Variants in RPS6KA5 observed in about 807,000 individuals in gnomAD.
The protein encoded by RPS6KA5 is ribosomal protein S6 kinase A5, also known as ribosomal protein S6 kinase alpha-5.
In RPS6KA5, 27 loss-of-function variants were observed where a neutral mutation model predicts 85.5. That is an observed-to-expected ratio of 0.32 (90% CI 0.23 to 0.44). The LOEUF (loss-of-function observed/expected upper bound fraction) is 0.44. Among genes scored for constraint, RPS6KA5 ranks in the 20% least tolerant of loss-of-function variants. The probability of loss-of-function intolerance (pLI) is 1.00; values close to 1 mark genes in which losing one functional copy is unlikely to be tolerated. For missense variants in RPS6KA5, 811 were observed against 980.9 expected, an observed-to-expected ratio of 0.83 and a Z score of 2.31; for synonymous variants, 334 against 348.2, an observed-to-expected ratio of 0.96 and a Z score of 0.46.
At chr14:90,983,476 T>C (rs1159032822) in intron 2 of RPS6KA5, among the ~76,000 whole-genome samples, 1 of 151,738 alleles carries the variant, frequency 6.6e-6, no homozygotes, top group East Asian at 2.0e-4. Context: ...GGGGCATGCC[T>C]GTGGTCCCAG....
At position 90,945,020 on chromosome 14, in the gene RPS6KA5, G is replaced by T. The variant is rs574505463; in HGVS notation, c.511-1835C>A. On this transcript the variant is annotated intron_variant, in intron 4 of 16. Coordinates refer to ENST00000614987, the MANE Select transcript of RPS6KA5 (RefSeq NM_004755.4). ...TAATTCCAGCAGTTTGGGAAGCCAA[G>T]ATGGGAGGATCATCTGAGCTCAGGA... Among the ~76,000 whole-genome samples the T allele has an allele frequency of 3.4e-4, 52 of 152,036 alleles. 1 individual carries two copies. In the South Asian group the frequency reaches 4.4e-3, roughly 13 times the overall value.
Position 90,947,426 on chromosome 14 carries a change from G to A in RPS6KA5, c.510+9C>T, listed in dbSNP as rs772737682. 1.2e-5 allele frequency: 17 copies of A among 1,476,936 alleles called. No homozygotes were observed. The highest frequency in any genetic ancestry group is 1.7e-4 in the Middle Eastern group (1 of 5,780). The allele number at this position is 1,476,936 out of a possible 1,614,324, so 91.5% of individuals were successfully genotyped here. A position where few individuals can be genotyped will look rare whatever the true frequency, so the allele number is the denominator to read the frequency against. ...TCAGAAAAGAAACCTGAAAAATGAA[G>A]AGTCTTACCTTGTGGAGATGTTCGA... On this transcript the variant is annotated intron_variant, in intron 4 of 16. Coordinates refer to ENST00000614987, the MANE Select transcript of RPS6KA5 (RefSeq NM_004755.4).
intron 5 of RPS6KA5, among the ~76,000 whole-genome samples, chr14:90,932,192 TGGCTCACTGCATCCTCTGCCTCCCGG>T (rs772080964): frequency 3.3e-5 from 5 of 152,110 alleles, no homozygotes; most frequent in Non-Finnish European, 7.4e-5. Context: ...GGCATGATCT[TGGCTCACTGCATCCTCTGCCTCCCGG>T]ATTCAAGCAA....
At chr14:90,927,474 T>C (rs1188242779) in intron 5 of RPS6KA5, among the ~76,000 whole-genome samples, 1 of 151,836 alleles carries the variant, frequency 6.6e-6, no homozygotes, top group Non-Finnish European at 1.5e-5. Context: ...ACCTAAAACA[T>C]AATGACAAAG....
chr14:90,910,286 A>C (rs1318918359), intron 7 of RPS6KA5, among the ~76,000 whole-genome samples: 2 of 152,214 alleles, frequency 1.3e-5, no homozygotes, highest in Non-Finnish European at 1.5e-5. Flanking sequence ...AAAAATGAAT[A>C]TAAAATTTCT....
At chr14:91,051,014 G>A (rs1240166451) in intron 1 of RPS6KA5, among the ~76,000 whole-genome samples, 1 of 152,022 alleles carries the variant, frequency 6.6e-6, no homozygotes, top group African/African-American at 2.4e-5. Flanking sequence ...GAGCACGTGA[G>A]GTCAGGAGTT....
chr14:91,028,096 T>C (rs1402590247), intron 1 of RPS6KA5, among the ~76,000 whole-genome samples: 7 of 152,232 alleles, frequency 4.6e-5, no homozygotes, highest in Non-Finnish European at 7.3e-5. Flanking sequence ...AATATTTTAT[T>C]TGGCCAAATG....
intron 5 of RPS6KA5, among the ~76,000 whole-genome samples, chr14:90,923,650 G>A (rs900811876): frequency 1.3e-5 from 2 of 151,990 alleles, no homozygotes; most frequent in African/African-American, 4.8e-5. Flanking sequence ...TAACTTGAAG[G>A]GGTAGGAAAG....
intron 1 of RPS6KA5, among the ~76,000 whole-genome samples, chr14:91,011,001 G>A (rs1290711157): frequency 6.6e-6 from 1 of 152,140 alleles, no homozygotes; most frequent in African/African-American, 2.4e-5. Flanking sequence ...GCAGTACCCT[G>A]GAGCAACAAT....
rs370631046 is a variant in RPS6KA5, at chr14:91,001,083, C to T, written c.175+5G>A. The T allele has an allele frequency of 2.0e-5, 31 of 1,521,016 alleles. 1 individual carries two copies. The African/African-American group carries it at 3.6e-4, about 18-fold the overall frequency. 94.2% of individuals were successfully genotyped at this position (1,521,016 alleles called of 1,614,324 possible). A position where few individuals can be genotyped will look rare whatever the true frequency, so the allele number is the denominator to read the frequency against. Reference sequence around the variant, plus strand: ...TTCCTTAAATATAATTAACTTAAGACTTACCTCCAGTTCCTAGGACCTTCA... The same window carrying T: ...TTCCTTAAATATAATTAACTTAAGATTTACCTCCAGTTCCTAGGACCTTCA... On this transcript the variant is annotated splice_donor_5th_base_variant and intron_variant, in intron 2 of 16. Coordinates refer to ENST00000614987, the MANE Select transcript of RPS6KA5 (RefSeq NM_004755.4).
intron 14 of RPS6KA5, among the ~76,000 whole-genome samples, chr14:90,889,589 T>C (rs1360101343): frequency 6.6e-6 from 1 of 151,932 alleles, no homozygotes. Flanking sequence ...CAAACACATA[T>C]ATAAAAAAAA....
intron 1 of RPS6KA5, among the ~76,000 whole-genome samples, chr14:91,046,229 A>G (rs1282914236): frequency 6.6e-6 from 1 of 152,210 alleles, no homozygotes; most frequent in Non-Finnish European, 1.5e-5. Context: ...ACTAAAACCC[A>G]GCATCTAGTG....
intron 5 of RPS6KA5, among the ~76,000 whole-genome samples, chr14:90,937,145 G>A (rs889113396): frequency 6.6e-6 from 1 of 152,112 alleles, no homozygotes; most frequent in South Asian, 2.1e-4. Flanking sequence ...GGTGGGTGTT[G>A]TGTCACAGAG....
intron 12 of RPS6KA5, 55 bp downstream of exon 12, chr14:90,899,274 A>C: frequency 8.1e-7 from 1 of 1,228,206 alleles, no homozygotes; most frequent in Non-Finnish European, 1.2e-6. Context: ...TGAAAAGTAC[A>C]ACCCTGTAAG....
At chr14:91,053,873 C>G (rs1465739640) in intron 1 of RPS6KA5, among the ~76,000 whole-genome samples, 1 of 152,174 alleles carries the variant, frequency 6.6e-6, no homozygotes, top group African/African-American at 2.4e-5. Flanking sequence ...TATGGAAATA[C>G]AAGGAATCCA....
At chr14:91,059,175 CA>C (rs1315146520) in intron 1 of RPS6KA5, among the ~76,000 whole-genome samples, 7 of 149,386 alleles carry the variant, frequency 4.7e-5, no homozygotes, top group Non-Finnish European at 8.9e-5. Flanking sequence ...ACCCCGCCCC[CA>C]CAAAAAATAC....
At chr14:91,042,551 A>G (rs952047084) in intron 1 of RPS6KA5, among the ~76,000 whole-genome samples, 1 of 152,126 alleles carries the variant, frequency 6.6e-6, no homozygotes, top group African/African-American at 2.4e-5. Flanking sequence ...ACAATTTTTA[A>G]AAAACAATGA....
chr14:90,898,489 C>T (rs556420535), intron 12 of RPS6KA5, among the ~76,000 whole-genome samples: 1 of 152,302 alleles, frequency 6.6e-6, no homozygotes, highest in Admixed American at 6.5e-5. Context: ...CAAAGAGAGC[C>T]CAGAACTGGA....
At chr14:91,003,591 G>C (rs944084995) in intron 1 of RPS6KA5, among the ~76,000 whole-genome samples, 1 of 152,190 alleles carries the variant, frequency 6.6e-6, no homozygotes, top group South Asian at 2.1e-4. Context: ...TGTACTCAGG[G>C]TTGAAGGTTT....
Sources: allele counts gnomAD v4.1 joint callset (sites outside exome capture counted in the v4.1 genomes callset), GRCh38; gene constraint gnomAD v4.1.1; transcripts MANE v1.5; gene names NCBI Gene and HGNC (gene_info 2026-07-23, HGNC 2026-07-21).